ARSG: variants seen among roughly 807,000 people sequenced by gnomAD.
The protein encoded by ARSG is arylsulfatase G, also known as ASG.
A neutral mutation model predicts 50.5 loss-of-function variants in ARSG; 37 were observed. That is an observed-to-expected ratio of 0.73 (90% confidence interval 0.56 to 0.96). The LOEUF (loss-of-function observed/expected upper bound fraction) is 0.96, where lower values mean the gene tolerates loss of function less well. ARSG is among the 50% of genes least tolerant of loss of function. The probability of loss-of-function intolerance (pLI) is 0.00; values close to 1 mark genes in which losing one functional copy is unlikely to be tolerated. For synonymous variants in ARSG, 225 were observed against 254.6 expected (o/e 0.88, Z 1.11); for missense variants, 629 against 675.3 (o/e 0.93, Z 0.76).
intron 2 of ARSG, among the ~76,000 whole-genome samples, chr17:68,334,937 A>T (rs2077946702): frequency 6.6e-6 from 1 of 152,130 alleles, no homozygotes; most frequent in Non-Finnish European, 1.5e-5. Context: ...ATTCAAGGGG[A>T]GGGGACATAG....
At chr17:68,279,011 A>C (rs2075613269) in intron 1 of ARSG, among the ~76,000 whole-genome samples, 1 of 152,220 alleles carries the variant, frequency 6.6e-6, no homozygotes, top group South Asian at 2.1e-4. Flanking sequence ...GGTATTGTAC[A>C]TGGGGCCTCC....
chr17:68,374,267 T>C (rs911592457), intron 8 of ARSG, among the ~76,000 whole-genome samples: 7 of 152,250 alleles, frequency 4.6e-5, no homozygotes, highest in African/African-American at 1.4e-4. Flanking sequence ...GGGACACTCT[T>C]GGGCCAGGCT....
chr17:68,298,594 C>CAAAAA (rs562725952), intron 1 of ARSG, among the ~76,000 whole-genome samples: 2 of 64,796 alleles, frequency 3.1e-5, no homozygotes, highest in African/African-American at 6.2e-5. Context: ...GATCCTGTCT[C>CAAAAA]AAAAAAAAAA....
chr17:68,439,002 G>A, the ARSG span, among the ~76,000 whole-genome samples: 11 of 152,336 alleles, frequency 7.2e-5, no homozygotes, highest in African/African-American at 2.2e-4. Flanking sequence ...ATGTTGGTGA[G>A]GATATGGAGA....
intron 1 of ARSG, among the ~76,000 whole-genome samples, chr17:68,296,329 T>C (rs1445703573): frequency 3.9e-5 from 6 of 152,194 alleles, no homozygotes; most frequent in Admixed American, 2.6e-4. Context: ...TCCTGCTGTG[T>C]TTCTTGCCTA....
At chr17:68,417,989 C>G (rs2082501433) in intron 11 of ARSG, among the ~76,000 whole-genome samples, 1 of 152,016 alleles carries the variant, frequency 6.6e-6, no homozygotes, top group African/African-American at 2.4e-5. Flanking sequence ...CTCAACCTCC[C>G]AAACTGCTGG....
chr17:68,259,749 T>G (rs1426703658), intron 1 of ARSG, among the ~76,000 whole-genome samples: 1 of 152,238 alleles, frequency 6.6e-6, no homozygotes, highest in Non-Finnish European at 1.5e-5. Flanking sequence ...GCAGTACATC[T>G]TACTTCCAAC....
chr17:68,278,255 T>G (rs2075588553), intron 1 of ARSG: 4 of 1,614,162 alleles, frequency 2.5e-6, no homozygotes, highest in Non-Finnish European at 3.4e-6. Flanking sequence ...CCCAGCCCCA[T>G]CCTCCATCAG....
At chr17:68,365,994 G>C (rs888945884) in intron 6 of ARSG, among the ~76,000 whole-genome samples, 1 of 152,030 alleles carries the variant, frequency 6.6e-6, no homozygotes, top group African/African-American at 2.4e-5. Context: ...CTGGAGTGCA[G>C]TGCACAATCT....
chr17:68,424,342 T>C (rs116218906), downstream of ARSG: 1,733 of 484,260 alleles, frequency 3.6e-3, 28 homozygotes, highest in African/African-American at 0.031. Flanking sequence ...GCCCCAGCCC[T>C]GCATGCAGGG....
intron 11 of ARSG, among the ~76,000 whole-genome samples, chr17:68,419,017 C>CAAAAA (rs3072871): frequency 8.9e-6 from 1 of 112,960 alleles, no homozygotes; most frequent in African/African-American, 3.0e-5. Context: ...ATAGCAAAGC[C>CAAAAA]AAAAAAAAAA....
At chr17:68,347,204 GAA>G in intron 4 of ARSG, 32 bp downstream of exon 4, 1 of 1,606,466 alleles carries the variant, frequency 6.2e-7, no homozygotes. Flanking sequence ...TGTTACCTGG[GAA>G]ACAGAAAATA....
intron 9 of ARSG, among the ~76,000 whole-genome samples, chr17:68,392,480 A>G (rs913500172): frequency 2.0e-5 from 3 of 152,136 alleles, no homozygotes; most frequent in African/African-American, 7.2e-5. Flanking sequence ...TTTTTCAACC[A>G]TAAACATTCG....
chr17:68,382,808 T>A (rs74732167), intron 8 of ARSG, among the ~76,000 whole-genome samples: 1,893 of 152,326 alleles, frequency 0.012, 46 homozygotes, highest in African/African-American at 0.043. Flanking sequence ...CCCTTTAGAA[T>A]ACAAGGTCTG....
downstream of ARSG, chr17:68,421,532 A>C (rs2082772741): frequency 1.8e-6 from 1 of 544,840 alleles, no homozygotes; most frequent in African/African-American, 1.9e-5. Flanking sequence ...CATTTACACT[A>C]TAGTTTGAAC....
At chr17:68,330,040 T>C (rs1179004884) in intron 2 of ARSG, among the ~76,000 whole-genome samples, 1 of 151,994 alleles carries the variant, frequency 6.6e-6, no homozygotes, top group Admixed American at 6.6e-5. Flanking sequence ...TGAAACCCTG[T>C]CTCTATTAAA....
chr17:68,420,147 C>CTG, intron 11 of ARSG, 42 bp from the exon 12 acceptor site: 1 of 1,604,742 alleles, frequency 6.2e-7, no homozygotes, highest in South Asian at 1.1e-5. Flanking sequence ...CACAGGGCAA[C>CTG]TGTCAGGGTT....
At chr17:68,352,385 A>T (rs1227727652) in intron 5 of ARSG, among the ~76,000 whole-genome samples, 1 of 151,652 alleles carries the variant, frequency 6.6e-6, no homozygotes, top group Non-Finnish European at 1.5e-5. Flanking sequence ...CAACGGTAAG[A>T]TCCTAATGAG....
the ARSG span, chr17:68,436,314 T>A: frequency 6.9e-7 from 1 of 1,457,892 alleles, no homozygotes; most frequent in Non-Finnish European, 9.6e-7. Flanking sequence ...GGCGTCCTTA[T>A]CTATCTCCTT....
Sources: gnomAD v4.1 joint callset for allele counts (sites outside exome capture counted in the v4.1 genomes callset) on GRCh38, gnomAD v4.1.1 for gene constraint, MANE v1.5 for transcripts, NCBI Gene and HGNC (gene_info 2026-07-23, HGNC 2026-07-21) for gene names.